DNAH2: variants seen among roughly 807,000 people sequenced by gnomAD.
The protein encoded by DNAH2 is axonemal beta dynein heavy chain 2.
Under a neutral mutation model 523.5 loss-of-function variants are expected in DNAH2, and 323 were observed. The observed-to-expected ratio is 0.62, with a 90% CI of 0.56 to 0.68. The LOEUF is 0.68. Among genes scored for constraint, DNAH2 ranks in the 30% least tolerant of loss-of-function variants. The pLI, the probability that DNAH2 is intolerant of heterozygous loss-of-function variation, is 0.00. For missense variants in DNAH2, 4,907 were observed against 5,701.5 expected, an observed-to-expected ratio of 0.86 and a Z score of 4.49; for synonymous variants, 2,093 against 2,177.4, an observed-to-expected ratio of 0.96 and a Z score of 1.08.
intron 50 of DNAH2, 135 bp downstream of exon 50, chr17:7,796,787 GCCTTA>G: frequency 9.5e-7 from 1 of 1,048,432 alleles, no homozygotes; most frequent in Non-Finnish European, 1.3e-6. Flanking sequence ...ACACTCCCTG[GCCTTA>G]CCTTTAAAAC....
At chr17:7,765,078 G>T (rs1194150531) in intron 20 of DNAH2, among the ~76,000 whole-genome samples, 3 of 152,092 alleles carry the variant, frequency 2.0e-5, no homozygotes, top group Non-Finnish European at 4.4e-5. Context: ...TTTAGGCCTG[G>T]CAAACTCACA....
chr17:7,825,403 A>G (rs1490848211), intron 77 of DNAH2, among the ~76,000 whole-genome samples: 1 of 152,210 alleles, frequency 6.6e-6, no homozygotes. Flanking sequence ...CATCCTCAAC[A>G]GATAAGAGCT....
rs1382085718 is a variant in DNAH2, at chr17:7,719,739, C to G, written c.5C>G (p.Ser2Cys). 6.2e-7 allele frequency: 1 copy of G among 1,614,196 alleles called. No homozygotes were observed. Among genetic ancestry groups the G allele is most frequent in the Non-Finnish European group, 8.5e-7 (1 of 1,180,038 alleles). ...CCTGTAGGTTTTGCCTGCACGATGT[C>G]CAGCAAAGCTGAGAAGAAGCAGCGA... M[S>C]SKAEKKQRLS... The change falls in exon 2 of 86, where the codon TCC (serine) becomes TGC (cysteine). Residue 2 changes from serine to cysteine, a missense_variant. Ser to Cys is a moderately radical substitution (Grantham distance 112, BLOSUM62 -1). This residue lies in a region of DNAH2 where 2,806 missense variants were observed against 3,190.8 expected (regional missense o/e 0.88). Coordinates refer to ENST00000572933, the MANE Select transcript of DNAH2 (RefSeq NM_020877.5).
In DNAH2 at chr17:7,821,357, A is replaced by G. The variant is rs1378490882; in HGVS notation, c.11130A>G (p.Leu3710=). ...ACATGGATGAATACAACTTCTTTCT[A>G]CGTGGGGGTGTGGTGAGTTGGGCAG... ...KLNMDEYNFF[L]RGGVVLDREG... Residue 3710 remains leucine (L), a synonymous_variant, in exon 73 of 86, where the codon CTA becomes CTG. Coordinates refer to ENST00000572933, the MANE Select transcript of DNAH2 (RefSeq NM_020877.5). This position sits in a 1 kb window ranked among gnomAD's most constrained non-coding sequence, Gnocchi z 5.0. 2 of 1,612,978 alleles carry G rather than the reference A, an allele frequency of 1.2e-6. No individual in the cohort carries two copies. The highest frequency in any genetic ancestry group is 8.5e-7 in the Non-Finnish European group (1 of 1,179,364).
At chr17:7,791,458 T>G (rs2076895209) in intron 44 of DNAH2, among the ~76,000 whole-genome samples, 1 of 152,244 alleles carries the variant, frequency 6.6e-6, no homozygotes, top group African/African-American at 2.4e-5. Context: ...GAGTTCTGTA[T>G]TACTACACGT....
At chr17:7,776,673 G>A (rs1597621659) in intron 31 of DNAH2, 106 bp from the exon 32 acceptor site, 1 of 796,232 alleles carries the variant, frequency 1.3e-6, no homozygotes, top group East Asian at 3.1e-5. Context: ...CAGATTGGGT[G>A]CAGTTGGGAG....
chr17:7,794,011 A>C (rs2076994442), intron 48 of DNAH2, among the ~76,000 whole-genome samples: 1 of 152,218 alleles, frequency 6.6e-6, no homozygotes, highest in Non-Finnish European at 1.5e-5. Context: ...CATGGATTAT[A>C]AGGATGAAAT....
intron 36 of DNAH2, among the ~76,000 whole-genome samples, chr17:7,779,749 GTC>G: frequency 6.6e-6 from 1 of 152,140 alleles, no homozygotes; most frequent in Non-Finnish European, 1.5e-5. Context: ...AGGCTCTAGG[GTC>G]TCTCATTACT....
chr17:7,776,970 G>A, intron 32 of DNAH2, 81 bp downstream of exon 32: 3 of 1,212,064 alleles, frequency 2.5e-6, no homozygotes, highest in Non-Finnish European at 3.5e-6. Context: ...ACTCGCTTGA[G>A]CCCAGGAGTT....
rs1287927287 is a variant in DNAH2 at position 7,821,943 on chromosome 17, C to G, written c.11142+574C>G. On this transcript the variant is annotated intron_variant, in intron 73 of 85. Coordinates refer to ENST00000572933, the MANE Select transcript of DNAH2 (RefSeq NM_020877.5). The surrounding 1 kb of genome is among the most constrained non-coding windows in gnomAD (Gnocchi z 5.0). ...TAGACATTTTCTTGACTTTTCCCAC[C>G]TTCACTTCCTGCCTCCCACCCCAAA... Among the ~76,000 whole-genome samples, 2 of 152,098 alleles carry G rather than the reference C, an allele frequency of 1.3e-5. No individual in the cohort carries two copies. Among genetic ancestry groups the G allele is most frequent in the African/African-American group, 4.8e-5 (2 of 41,420 alleles).
chr17:7,798,744 CAGTCAG>C lies in DNAH2; in HGVS notation c.8559+27_8559+32del, dbSNP rs750116073. The C allele has an allele frequency of 6.2e-7, 1 of 1,601,048 alleles. No individual in the cohort carries two copies. Among genetic ancestry groups the C allele is most frequent in the East Asian group, 2.2e-5 (1 of 44,672 alleles). ...GTAGGATTCCTTCCACACCCTTGACCAGTCAGTTCTTTGGCCTGCCTAGCTGACCCC... is the reference window on the plus strand; with the variant it reads ...GTAGGATTCCTTCCACACCCTTGACCTTCTTTGGCCTGCCTAGCTGACCCC... On this transcript the variant is annotated intron_variant, in intron 55 of 85. Transcript: ENST00000572933. This position sits in a 1 kb window ranked among gnomAD's most constrained non-coding sequence, Gnocchi z 5.5.
In DNAH2 at chr17:7,818,936, C is replaced by G. The variant is rs768485305; in HGVS notation, c.10688C>G (p.Thr3563Ser). Reference protein sequence around the residue: ...DEILRLLNEATGSLLDDVQLV... With the variant: ...DEILRLLNEASGSLLDDVQLV... ...CCCCCTAGGCTGCTGAATGAGGCCA[C>G]CGGCTCCCTGCTGGATGATGTGCAG... The change falls in exon 71 of 86, where the codon ACC becomes AGC. Residue 3563 changes from threonine (T) to serine (S), a missense_variant. By Grantham distance (58) the Thr-to-Ser change is moderately conservative (BLOSUM62 1). Around this residue, in one of 3 missense-constraint regions of DNAH2, gnomAD observed 1,851 missense variants for 2,139.4 expected, o/e 0.87. Coordinates refer to ENST00000572933, the MANE Select transcript of DNAH2 (RefSeq NM_020877.5). 5.0e-6 allele frequency: 8 copies of G among 1,612,164 alleles called. No homozygotes were observed. The African/African-American group carries it at 9.3e-5, about 19-fold the overall frequency.
rs563244058 is a variant in DNAH2, at chr17:7,733,288, C to A, written c.601C>A (p.Leu201Met). ...CATTAGAAATCATTTTGCTTCTCAT[C>A]TGCACAAGTTCTTGGCCTGCCTGAC... Reference protein sequence around the residue: ...ESIRNHFASHLHKFLACLTDT... With the variant: ...ESIRNHFASHMHKFLACLTDT... Residue 201 changes from leucine (L) to methionine (M), a missense_variant, in exon 5 of 86, where the codon CTG becomes ATG. Coordinates refer to ENST00000572933, the MANE Select transcript of DNAH2 (RefSeq NM_020877.5). The A allele has an allele frequency of 1.7e-4, 276 of 1,614,134 alleles. No homozygotes were observed. Among genetic ancestry groups the A allele is most frequent in the Non-Finnish European group, 2.3e-4 (270 of 1,180,014 alleles).
chr17:7,749,711 A>T (rs2075631187), intron 12 of DNAH2, among the ~76,000 whole-genome samples: 1 of 152,138 alleles, frequency 6.6e-6, no homozygotes, highest in African/African-American at 2.4e-5. Flanking sequence ...TTGCCTCATT[A>T]TTAGGCCAGG....
chr17:7,758,312 G>A (rs528498653), intron 13 of DNAH2, among the ~76,000 whole-genome samples, 183 bp from the exon 14 acceptor site: 1 of 152,220 alleles, frequency 6.6e-6, no homozygotes, highest in East Asian at 1.9e-4. Flanking sequence ...AATCACTTTT[G>A]CACCAACCTA....
At chr17:7,823,690 C>T (rs1372196526) in intron 74 of DNAH2, 62 bp downstream of exon 74, 2 of 1,590,632 alleles carry the variant, frequency 1.3e-6, no homozygotes, top group East Asian at 2.2e-5. Context: ...CACATGCCGG[C>T]CCTTCCCATT....
chr17:7,722,190 G>T (rs892233573), intron 2 of DNAH2, among the ~76,000 whole-genome samples: 12 of 41,530 alleles, frequency 2.9e-4, no homozygotes, highest in African/African-American at 1.1e-3. Flanking sequence ...ATAGAGACGG[G>T]GGGGGGGGTT....
intron 77 of DNAH2, 140 bp from the exon 78 acceptor site, chr17:7,830,160 C>A (rs560730133): frequency 2.4e-6 from 2 of 823,512 alleles, no homozygotes; most frequent in East Asian, 5.4e-5. Flanking sequence ...TGTAGATCAA[C>A]GGCTACATTT....
At chr17:7,769,970 A>G (rs1016593755) in intron 24 of DNAH2, among the ~76,000 whole-genome samples, 1 of 152,210 alleles carries the variant, frequency 6.6e-6, no homozygotes, top group Non-Finnish European at 1.5e-5. Flanking sequence ...TGTTTCATGT[A>G]AGGCCTTTAC....
Sources: gnomAD v4.1 joint callset for allele counts (sites outside exome capture counted in the v4.1 genomes callset) on GRCh38, gnomAD v4.1.1 for gene constraint, gnomAD v4.1.1 regional missense constraint, Gnocchi (gnomAD v3.1) non-coding constraint, MANE v1.5 for transcripts, NCBI Gene and HGNC (gene_info 2026-07-23, HGNC 2026-07-21) for gene names.